EPS8L2: variants seen among roughly 807,000 people sequenced by gnomAD.
EPS8L2 encodes the protein EPS8 signaling adaptor L2, also known as epidermal growth factor receptor kinase substrate 8-like protein 2.
EPS8L2 carries 81 observed loss-of-function variants against 99.4 expected under a neutral mutation model. The observed-to-expected ratio is 0.82, with a 90% CI of 0.68 to 0.98. EPS8L2 has a LOEUF of 0.98. EPS8L2 is among the 50% of genes least tolerant of loss of function. EPS8L2 has a pLI of 0.00. For missense variants in EPS8L2, 1,155 were observed against 968.8 expected, an observed-to-expected ratio of 1.19 and a Z score of -2.55; for synonymous variants, 509 against 407.3, an observed-to-expected ratio of 1.25 and a Z score of -3.01.
At chr11:714,506 C>T (rs770207212) in intron 4 of EPS8L2, among the ~76,000 whole-genome samples, 1 of 151,940 alleles carries the variant, frequency 6.6e-6, no homozygotes, top group East Asian at 1.9e-4. Flanking sequence ...GCTGGGATTA[C>T]AGGCGTGAGC....
chr11:726,691 G>T lies in EPS8L2; in HGVS notation c.2007G>T (p.Val669=). ...FSLNKEELKK[V]CGEEGVRVYS... ...TCAACAAGGAGGAGCTGAAGAAAGT[G>T]TGCGGCGAGGAGGGCGTCCGCGTGT... Residue 669 remains valine, a synonymous_variant, in exon 20 of 21, where the codon GTG becomes GTT. Coordinates refer to ENST00000318562, the MANE Select transcript of EPS8L2 (RefSeq NM_022772.4). 1 of 1,586,562 alleles carries T rather than the reference G, an allele frequency of 6.3e-7. No homozygotes were observed. The highest frequency in any genetic ancestry group is 1.2e-5 in the South Asian group (1 of 86,908).
In EPS8L2 at chr11:720,603, C is replaced by G; in HGVS notation, c.334C>G (p.Leu112Val). ...RLLDIESQEE[L>V]EDFPLPTVQR... Reference sequence around the variant, plus strand: ...CCGCGCGATGTACCCGCAGGAGGAGCTGGAAGACTTCCCGCTGCCCACGGT... The same window carrying G: ...CCGCGCGATGTACCCGCAGGAGGAGGTGGAAGACTTCCCGCTGCCCACGGT... The change falls in exon 6 of 21, where the codon CTG becomes GTG. Residue 112 changes from leucine to valine, a missense_variant. Physicochemically the swap from Leu to Val is conservative, Grantham distance 32. Transcript: ENST00000318562. 1 of 1,599,938 alleles carries G rather than the reference C, an allele frequency of 6.3e-7. No homozygotes were observed. The highest frequency in any genetic ancestry group is 8.5e-7 in the Non-Finnish European group (1 of 1,175,008).
chr11:722,053 C>A, intron 11 of EPS8L2, 38 bp from the exon 12 acceptor site: 1 of 1,609,394 alleles, frequency 6.2e-7, no homozygotes, highest in Non-Finnish European at 8.5e-7. Flanking sequence ...GGAGGCCCCG[C>A]CCCGCCCCGG....
chr11:720,859 C>G lies in EPS8L2; in HGVS notation c.507C>G (p.Ser169Arg), dbSNP rs955810683. Residue 169 changes from serine (S) to arginine (R), a missense_variant, in exon 7 of 21, where the codon AGC (serine) becomes AGG (arginine). By Grantham distance (110) the Ser-to-Arg change is moderately radical. Transcript: ENST00000318562. The stretch of plus-strand genomic sequence containing the variant: ...AGCTGGTGCACGAGGACATCGAGAG[C>G]GCGTTGGCCGACTGCCGGCTGGGCA... Reference protein sequence around the residue: ...EAELVHEDIESALADCRLGKK... With the variant: ...EAELVHEDIERALADCRLGKK... 6.7e-6 allele frequency: 10 copies of G among 1,501,470 alleles called. No homozygotes were observed. The highest frequency in any genetic ancestry group is 1.4e-5 in the African/African-American group (1 of 69,032). The allele number at this position is 1,501,470 out of a possible 1,614,324, so 93.0% of individuals were successfully genotyped here.
chr11:722,022 T>C (rs752066618), intron 11 of EPS8L2, 31 bp downstream of exon 11: 3 of 1,605,974 alleles, frequency 1.9e-6, no homozygotes, highest in South Asian at 2.2e-5. Flanking sequence ...CCTGCCCCAC[T>C]GTCTGTGCTG....
Position 722,126 on chromosome 11 carries a change from C to T in EPS8L2, c.1020C>T (p.Ala340=), listed in dbSNP as rs774483025. ...KLQKHIQNPS[A]AELVHFLFGP... Reference sequence around the variant, plus strand: ...AGAAGCACATCCAGAACCCCAGCGCCGCGGAGCTCGTGCACTTCCTCTTCG... The same window carrying T: ...AGAAGCACATCCAGAACCCCAGCGCTGCGGAGCTCGTGCACTTCCTCTTCG... The change falls in exon 12 of 21, where the codon GCC becomes GCT. Residue 340 remains alanine, a synonymous_variant. Transcript: ENST00000318562. 53 of 1,612,818 alleles carry T rather than the reference C, an allele frequency of 3.3e-5. No homozygotes were observed. The highest frequency in any genetic ancestry group is 4.2e-5 in the Non-Finnish European group (49 of 1,179,896).
chr11:709,591 G>T lies in EPS8L2; in HGVS notation c.83G>T (p.Ser28Ile). ...LGRSDGVAKM[S>I]PKDLFEQRKK... ...CGGTCCGACGGTGTGGCCAAGATGA[G>T]CCCCAAGGACCTGTTTGGTGAGTGA... Residue 28 changes from serine (S) to isoleucine (I), a missense_variant, in exon 3 of 21, where the codon AGC (serine) becomes ATC (isoleucine). Coordinates refer to ENST00000318562, the MANE Select transcript of EPS8L2 (RefSeq NM_022772.4). 1 of 1,613,164 alleles carries T rather than the reference G, an allele frequency of 6.2e-7. No homozygotes were observed. The highest frequency in any genetic ancestry group is 1.1e-5 in the South Asian group (1 of 91,066).
rs1564975843 is a variant in EPS8L2, at chr11:720,989, AG to A, written c.558-71del. On this transcript the variant is annotated intron_variant, in intron 7 of 20. Transcript: ENST00000318562. ...AGGGGAGGGGAGGAGCCGGCAGGGG[AG>A]GGGAGGAGCCCGGCAGGGAGGGAGG... 9.2e-6 allele frequency: 13 copies of A among 1,420,380 alleles called. No homozygotes were observed. In the East Asian group the frequency reaches 1.0e-4, roughly 11 times the overall value. 88.0% of individuals were successfully genotyped at this position (1,420,380 alleles called of 1,614,324 possible).
intron 1 of EPS8L2, chr11:708,949 A>G (rs893564576): frequency 5.3e-5 from 1 of 18,716 alleles, no homozygotes; most frequent in African/African-American, 2.0e-4. Context: ...CCCCCACCGC[A>G]CCCCCCTCCC....
At chr11:719,607 G>C (rs1292125307) in intron 4 of EPS8L2, among the ~76,000 whole-genome samples, 1 of 152,258 alleles carries the variant, frequency 6.6e-6, no homozygotes, top group African/African-American at 2.4e-5. Context: ...TTGGAGTAGC[G>C]AGCACGCTGG....
chr11:710,763 A>AGGAAGG (rs1564969694), intron 4 of EPS8L2, among the ~76,000 whole-genome samples: 17 of 134,458 alleles, frequency 1.3e-4, no homozygotes, highest in Middle Eastern at 3.5e-3. Flanking sequence ...AGAGAGAAAG[A>AGGAAGG]GAGAAAGGGA....
In EPS8L2 at chr11:726,444, G is replaced by C. The variant is rs1380250447; in HGVS notation, c.1894G>C (p.Glu632Gln). The C allele has an allele frequency of 1.3e-6, 2 of 1,589,314 alleles. No homozygotes were observed. Among genetic ancestry groups the C allele is most frequent in the Admixed American group, 3.6e-5 (2 of 55,448 alleles). ...GCTCACCTACGAGTCGGGTCCGGAC[G>C]AGGTCCGCGCCTGGCTGGAAGCCAA... ...QPLTYESGPD[E>Q]VRAWLEAKAF... The change falls in exon 19 of 21, where the codon GAG (glutamate) becomes CAG (glutamine). Residue 632 changes from glutamate (E) to glutamine (Q), a missense_variant. Transcript: ENST00000318562.
rs776882190 is a variant in EPS8L2 at position 723,271 on chromosome 11, A to C, written c.1372A>C (p.Asn458His). 1.2e-6 allele frequency: 2 copies of C among 1,606,002 alleles called. No individual in the cohort carries two copies. Among genetic ancestry groups the C allele is most frequent in the Non-Finnish European group, 1.7e-6 (2 of 1,177,418 alleles). ...VSPVSRQSIR[N>H]SQKHSPTSEP... ...TCCAGTGAGCCGACAGTCCATAAGA[A>C]ACTCCCAGAAGCACAGCCCCACTTC... The change falls in exon 15 of 21, where the codon AAC (asparagine) becomes CAC (histidine). Residue 458 changes from asparagine to histidine, a missense_variant. By Grantham distance (68) the Asn-to-His change is moderately conservative. Transcript: ENST00000318562.
chr11:707,571 C>T (rs551257706), intron 1 of EPS8L2, among the ~76,000 whole-genome samples: 153 of 152,326 alleles, frequency 1.0e-3, no homozygotes, highest in South Asian at 3.7e-3. Context: ...TCCAGGGCTT[C>T]GTCCCCACCA....
chr11:716,765 A>G (rs12222447), intron 4 of EPS8L2, among the ~76,000 whole-genome samples: 1 of 151,982 alleles, frequency 6.6e-6, no homozygotes, highest in African/African-American at 2.4e-5. Context: ...TTCTGGTTTT[A>G]TTTTTATTAT....
chr11:717,812 A>G (rs1420396808), intron 4 of EPS8L2, among the ~76,000 whole-genome samples: 1 of 150,072 alleles, frequency 6.7e-6, no homozygotes, highest in East Asian at 2.0e-4. Context: ...GATGGAGACC[A>G]TCCTGGCTAA....
At position 721,637 on chromosome 11, in the gene EPS8L2, A is replaced by G. The variant is rs751125269; in HGVS notation, c.841A>G (p.Lys281Glu). 1 of 1,578,366 alleles carries G rather than the reference A, an allele frequency of 6.3e-7. No homozygotes were observed. The highest frequency in any genetic ancestry group is 8.6e-7 in the Non-Finnish European group (1 of 1,167,052). Reference sequence around the variant, plus strand: ...GCTGCAGAAGGCAGCCGAGGCTTTCAAGCAGCTGAACCAGCGGAAAAAGGG... The same window carrying G: ...GCTGCAGAAGGCAGCCGAGGCTTTCGAGCAGCTGAACCAGCGGAAAAAGGG... ...ARLQKAAEAF[K>E]QLNQRKKGKK... The change falls in exon 10 of 21, where the codon AAG (lysine) becomes GAG (glutamate). Residue 281 changes from lysine to glutamate, a missense_variant. Lys to Glu is a moderately conservative substitution (Grantham distance 56, BLOSUM62 1). Coordinates refer to ENST00000318562, the MANE Select transcript of EPS8L2 (RefSeq NM_022772.4).
intron 5 of EPS8L2, 176 bp from the exon 6 acceptor site, chr11:720,421 G>A (rs2133523229): frequency 8.5e-7 from 1 of 1,176,550 alleles, no homozygotes; most frequent in South Asian, 1.5e-5. Flanking sequence ...GGAAGCCGGG[G>A]TCAGCCTTGC....
chr11:722,209 G>A (rs757181301), intron 12 of EPS8L2, 44 bp downstream of exon 12: 2 of 1,595,678 alleles, frequency 1.3e-6, no homozygotes, highest in Non-Finnish European at 1.7e-6. Context: ...TGGGGGCCCA[G>A]AGGCCTCTGC....
Sources: gnomAD v4.1 joint callset for allele counts (sites outside exome capture counted in the v4.1 genomes callset) on GRCh38, gnomAD v4.1.1 for gene constraint, MANE v1.5 for transcripts, NCBI Gene and HGNC (gene_info 2026-07-23, HGNC 2026-07-21) for gene names.